Variants in NCKAP1L observed in about 807,000 individuals in gnomAD.
NCKAP1L encodes the protein nck-associated protein 1-like.
A neutral mutation model predicts 139.2 loss-of-function variants in NCKAP1L; 53 were observed. The observed-to-expected ratio is 0.38, with a 90% CI of 0.31 to 0.48. The LOEUF (loss-of-function observed/expected upper bound fraction) is 0.48. Ranked by LOEUF, NCKAP1L falls within the 20% of genes least tolerant of loss-of-function variation. The probability of loss-of-function intolerance (pLI) is 0.98; values close to 1 mark genes in which losing one functional copy is unlikely to be tolerated. For synonymous variants in NCKAP1L, 468 were observed against 499.7 expected, an observed-to-expected ratio of 0.94 and a Z score of 0.85; for missense variants, 1,151 against 1,381.9, an observed-to-expected ratio of 0.83 and a Z score of 2.65.
At chr12:54,518,423 C>T (rs1956951800) in intron 13 of NCKAP1L, among the ~76,000 whole-genome samples, 1 of 151,982 alleles carries the variant, frequency 6.6e-6, no homozygotes, top group African/African-American at 2.4e-5. Context: ...TCTTTTTTTC[C>T]CCACTAAGTG....
At chr12:54,523,188 A>G (rs891028982) in intron 18 of NCKAP1L, among the ~76,000 whole-genome samples, 1 of 152,196 alleles carries the variant, frequency 6.6e-6, no homozygotes, top group East Asian at 1.9e-4. Context: ...TAGAGCCTGT[A>G]CACACAGAGA....
chr12:54,530,466 ACT>A (rs1957059083), intron 22 of NCKAP1L, among the ~76,000 whole-genome samples: 2 of 152,132 alleles, frequency 1.3e-5, no homozygotes, highest in African/African-American at 4.8e-5. Context: ...AAGAACTGAG[ACT>A]CTGCGGGATG....
intron 16 of NCKAP1L, among the ~76,000 whole-genome samples, chr12:54,519,752 T>C (rs1475813513): frequency 6.6e-6 from 1 of 152,214 alleles, no homozygotes; most frequent in Non-Finnish European, 1.5e-5. Flanking sequence ...TTGATTCCTT[T>C]TGTTCTGTAT....
chr12:54,540,734 G>A (rs925873213), intron 30 of NCKAP1L, among the ~76,000 whole-genome samples: 5 of 152,202 alleles, frequency 3.3e-5, no homozygotes, highest in Non-Finnish European at 7.3e-5. Context: ...CAGGTTGGAG[G>A]TGATTCTGTA....
At chr12:54,520,285 A>G (rs1447244504) in intron 16 of NCKAP1L, among the ~76,000 whole-genome samples, 3 of 152,244 alleles carry the variant, frequency 2.0e-5, no homozygotes, top group Admixed American at 2.0e-4. Context: ...CATGGGATTA[A>G]TTTGAGAAGA....
intron 25 of NCKAP1L, 53 bp downstream of exon 25, chr12:54,531,878 G>A: frequency 7.2e-7 from 1 of 1,384,742 alleles, no homozygotes; most frequent in Middle Eastern, 1.8e-4. Flanking sequence ...TCTGTGGGTA[G>A]GGTTTGTATG....
intron 16 of NCKAP1L, among the ~76,000 whole-genome samples, chr12:54,519,935 T>C (rs1366401371): frequency 6.6e-6 from 1 of 151,928 alleles, no homozygotes; most frequent in Non-Finnish European, 1.5e-5. Context: ...GGAAAAACTT[T>C]GAGTTTTAGT....
chr12:54,525,649 C>T (rs61923486), intron 20 of NCKAP1L, among the ~76,000 whole-genome samples: 1 of 152,198 alleles, frequency 6.6e-6, no homozygotes, highest in African/African-American at 2.4e-5. Context: ...TGCCCTTAGT[C>T]TGTCCCTTCT....
At chr12:54,537,791 T>C (rs1957124032) in intron 29 of NCKAP1L, among the ~76,000 whole-genome samples, 1 of 152,144 alleles carries the variant, frequency 6.6e-6, no homozygotes, top group Admixed American at 6.5e-5. Flanking sequence ...GAACCAATGG[T>C]CTAGATTTCT....
intron 3 of NCKAP1L, among the ~76,000 whole-genome samples, chr12:54,504,257 T>C (rs1347726574): frequency 1.3e-5 from 2 of 152,224 alleles, no homozygotes; most frequent in Non-Finnish European, 2.9e-5. Flanking sequence ...GGTGGTGTTA[T>C]AGTATTTTTT....
At chr12:54,505,444 CTTTT>C (rs60418317) in intron 3 of NCKAP1L, among the ~76,000 whole-genome samples, 27 of 139,476 alleles carry the variant, frequency 1.9e-4, no homozygotes, top group Admixed American at 2.8e-4. Flanking sequence ...TTCCTTGTGC[CTTTT>C]TTTTTTTTTT....
intron 20 of NCKAP1L, among the ~76,000 whole-genome samples, chr12:54,524,942 G>A (rs1957015472): frequency 6.6e-6 from 1 of 152,128 alleles, no homozygotes; most frequent in African/African-American, 2.4e-5. Context: ...CACTGAGAAA[G>A]CCACGCATGT....
In NCKAP1L at chr12:54,516,209, C is replaced by T; in HGVS notation, c.942-30C>T. 4 of 1,612,984 alleles carry T rather than the reference C, an allele frequency of 2.5e-6. No homozygotes were observed. In the South Asian group the frequency reaches 3.3e-5, roughly 13 times the overall value. ...CAAGGGCCCTAATGGGTAGCATGGT[C>T]AACCCCATTGTGCTTGTGTCAATCC... On this transcript the variant is annotated intron_variant, in intron 9 of 30. Transcript: ENST00000293373.
chr12:54,500,150 G>A (rs1184879315), intron 2 of NCKAP1L, among the ~76,000 whole-genome samples: 7 of 144,600 alleles, frequency 4.8e-5, no homozygotes, highest in Admixed American at 4.2e-4. Flanking sequence ...TTGAGATGGA[G>A]TCTTGCTCTG....
intron 30 of NCKAP1L, among the ~76,000 whole-genome samples, 172 bp from the exon 31 acceptor site, chr12:54,542,403 C>T (rs1363079278): frequency 6.6e-6 from 1 of 152,160 alleles, no homozygotes; most frequent in African/African-American, 2.4e-5. Flanking sequence ...GAAGATGCCA[C>T]ATTGCCTTCC....
chr12:54,531,876 T>A, intron 25 of NCKAP1L, 51 bp downstream of exon 25: 2 of 1,403,446 alleles, frequency 1.4e-6, no homozygotes, highest in African/African-American at 1.4e-5. Context: ...CCTCTGTGGG[T>A]AGGGTTTGTA....
intron 9 of NCKAP1L, 102 bp downstream of exon 9, chr12:54,512,207 G>T: frequency 8.0e-7 from 1 of 1,250,336 alleles, no homozygotes; most frequent in Non-Finnish European, 1.1e-6. Context: ...AGGTGGTAAC[G>T]ATTAATTCTA....
intron 17 of NCKAP1L, 108 bp from the exon 18 acceptor site, chr12:54,521,011 G>A: frequency 6.4e-7 from 1 of 1,552,752 alleles, no homozygotes; most frequent in South Asian, 1.2e-5. Context: ...CTGTAGGAAT[G>A]GGTAGGAATC....
chr12:54,511,658 C>T (rs1336746213), intron 7 of NCKAP1L, 145 bp from the exon 8 acceptor site: 8 of 763,710 alleles, frequency 1.0e-5, no homozygotes, highest in Non-Finnish European at 1.7e-5. Flanking sequence ...CCTCCTGCCC[C>T]TGCCTCCTAA....
Sources: allele counts gnomAD v4.1 joint callset (sites outside exome capture counted in the v4.1 genomes callset), GRCh38; gene constraint gnomAD v4.1.1; transcripts MANE v1.5; gene names NCBI Gene and HGNC (gene_info 2026-07-23, HGNC 2026-07-21).